MUS81: variants seen among roughly 807,000 people sequenced by gnomAD.
The protein encoded by MUS81 is structure-specific endonuclease subunit MUS81.
Under a neutral mutation model 74.2 loss-of-function variants are expected in MUS81, and 69 were observed. That is an observed-to-expected ratio of 0.93 (90% CI 0.77 to 1.14). The LOEUF is 1.14. Among genes scored for constraint, MUS81 ranks in the 50% most tolerant of loss-of-function variants. MUS81 has a pLI of 0.00. For synonymous variants in MUS81, 303 were observed against 300.6 expected, an observed-to-expected ratio of 1.01 and a Z score of -0.08; for missense variants, 711 against 726.5, an observed-to-expected ratio of 0.98 and a Z score of 0.25.
rs552242146 is a variant in MUS81, at chr11:65,863,855, A to G, written c.1013A>G (p.Asp338Gly). Residue 338 changes from aspartate (D) to glycine (G), a missense_variant, in exon 10 of 16, where the codon GAT (aspartate) becomes GGT (glycine). Transcript: ENST00000308110. Reference protein sequence around the residue: ...LDHIVERKRLDDLCSSIIDGR... With the variant: ...LDHIVERKRLGDLCSSIIDGR... The stretch of plus-strand genomic sequence containing the variant: ...CACATTGTGGAGCGCAAGCGACTGG[A>G]TGACCTTTGCAGCAGCATCATCGAC... The G allele has an allele frequency of 1.9e-6, 3 of 1,614,132 alleles. No homozygotes were observed. The Admixed American group carries it at 5.0e-5, about 27-fold the overall frequency.
At chr11:65,867,043 G>A (rs765684268), downstream of MUS81, 11 of 1,614,148 alleles carry the variant, frequency 6.8e-6, no homozygotes, top group Admixed American at 5.0e-5. Flanking sequence ...GTCACCGGCC[G>A]GGCGAGGACC....
downstream of MUS81, chr11:65,866,899 G>A: frequency 6.2e-7 from 1 of 1,613,990 alleles, no homozygotes. Context: ...CTGCAGGGAG[G>A]GTGGCTCCCT....
rs770515783 is a variant in MUS81 at position 65,863,466 on chromosome 11, G to A, written c.803G>A (p.Arg268Lys). ...QPLELRPGEY[R>K]VLLCVDIGET... ...CTGGAGCTGAGGCCTGGAGAGTACA[G>A]GGTGCTGTTGTGTGTGGACATTGGC... The change falls in exon 8 of 16, where the codon AGG becomes AAG. Residue 268 changes from arginine to lysine, a missense_variant. Transcript: ENST00000308110. 2 of 1,614,202 alleles carry A rather than the reference G, an allele frequency of 1.2e-6. No homozygotes were observed. The highest frequency in any genetic ancestry group is 3.3e-5 in the Admixed American group (2 of 60,028).
chr11:65,860,394 C>T (rs147461140), upstream of MUS81: 8,010 of 494,776 alleles, frequency 0.016, 150 homozygotes, highest in Non-Finnish European at 0.021. Context: ...GTCCGCCTTC[C>T]TCTCGCCTAC....
At chr11:65,865,656 A>G in intron 14 of MUS81, 155 bp from the exon 15 acceptor site, 1 of 780,398 alleles carries the variant, frequency 1.3e-6, no homozygotes, top group East Asian at 2.6e-5. Context: ...GAGGGAGGAC[A>G]GCCCGGCTGG....
Position 65,863,820 on chromosome 11 carries a change from G to A in MUS81, c.978G>A (p.Leu326=). ...TGTCAGCAGCAAACCCTGGGGAGTT[G>A]GTACTGGATCACATTGTGGAGCGCA... ...NPRDPANPGE[L]VLDHIVERKR... is the part of the protein sequence containing the mutation. Residue 326 remains leucine (L), a synonymous_variant, in exon 10 of 16, where the codon TTG becomes TTA. Coordinates refer to ENST00000308110, the MANE Select transcript of MUS81 (RefSeq NM_025128.5). 1 of 1,614,168 alleles carries A rather than the reference G, an allele frequency of 6.2e-7. No homozygotes were observed. Among genetic ancestry groups the A allele is most frequent in the Non-Finnish European group, 8.5e-7 (1 of 1,180,010 alleles).
chr11:65,864,643 A>G (rs2134737014), intron 11 of MUS81, 30 bp downstream of exon 11: 1 of 1,612,642 alleles, frequency 6.2e-7, no homozygotes, highest in East Asian at 2.2e-5. Context: ...CCAGGCAGGC[A>G]GGCAGGGGCC....
At position 65,861,421 on chromosome 11, in the gene MUS81, G is replaced by A. The variant is rs748054705; in HGVS notation, c.337G>A (p.Asp113Asn). 1 of 1,602,554 alleles carries A rather than the reference G, an allele frequency of 6.2e-7. No homozygotes were observed. Residue 113 changes from aspartate (D) to asparagine (N), a missense_variant, in exon 3 of 16, where the codon GAC (aspartate) becomes AAC (asparagine). Physicochemically the swap from Asp to Asn is conservative, Grantham distance 23. Transcript: ENST00000308110. ...APQGRLAEVQ[D>N]SSMPVPAQPK... ...GCAGGGGCGACTTGCGGAAGTCCAG[G>A]ACTCTTCCATGCCAGTGAGGAAGGG...
chr11:65,861,093 A>C lies in MUS81; in HGVS notation c.256A>C (p.Thr86Pro). Residue 86 changes from threonine (T) to proline (P), a missense_variant, in exon 2 of 16, where the codon ACA becomes CCA. Coordinates refer to ENST00000308110, the MANE Select transcript of MUS81 (RefSeq NM_025128.5). Reference protein sequence around the residue: ...MLDERLQRHRTSGGDHAPDSP... With the variant: ...MLDERLQRHRPSGGDHAPDSP... ...GGACGAGCGGCTGCAGCGGCACCGA[A>C]CATCGGGCGGTGAGCGCCTCGGAAA... is the stretch of plus-strand genomic sequence containing the variant. 6.2e-7 allele frequency: 1 copy of C among 1,612,500 alleles called. No individual in the cohort carries two copies. Among genetic ancestry groups the C allele is most frequent in the Non-Finnish European group, 8.5e-7 (1 of 1,179,940 alleles).
At chr11:65,863,332 G>T in intron 7 of MUS81, 78 bp from the exon 8 acceptor site, 2 of 1,593,516 alleles carry the variant, frequency 1.3e-6, no homozygotes, top group Non-Finnish European at 1.7e-6. Context: ...TGGGTGGTGG[G>T]TGTCGGGTGG....
chr11:65,865,493 C>T (rs1355033743), intron 14 of MUS81, 170 bp downstream of exon 14: 2 of 709,844 alleles, frequency 2.8e-6, no homozygotes, highest in African/African-American at 1.8e-5. Context: ...GCCAGCAGGC[C>T]CACATAGTGT....
rs746885286 is a variant in MUS81, at chr11:65,863,465, A to G, written c.802A>G (p.Arg268Gly). Reference sequence around the variant, plus strand: ...ACTGGAGCTGAGGCCTGGAGAGTACAGGGTGCTGTTGTGTGTGGACATTGG... The same window carrying G: ...ACTGGAGCTGAGGCCTGGAGAGTACGGGGTGCTGTTGTGTGTGGACATTGG... ...QPLELRPGEY[R>G]VLLCVDIGET... The change falls in exon 8 of 16, where the codon AGG becomes GGG. Residue 268 changes from arginine to glycine, a missense_variant. By Grantham distance (125) the Arg-to-Gly change is moderately radical (BLOSUM62 -2). Coordinates refer to ENST00000308110, the MANE Select transcript of MUS81 (RefSeq NM_025128.5). The G allele has an allele frequency of 1.2e-6, 2 of 1,614,098 alleles. No homozygotes were observed. Among genetic ancestry groups the G allele is most frequent in the Non-Finnish European group, 1.7e-6 (2 of 1,179,998 alleles).
chr11:65,866,115 T>TAA lies in MUS81; in HGVS notation c.*64_*65dup. On this transcript the variant is annotated 3_prime_UTR_variant, in exon 16 of 16. Coordinates refer to ENST00000308110, the MANE Select transcript of MUS81 (RefSeq NM_025128.5). Reference sequence around the variant, plus strand: ...CCCCAACCCAGGCTAGCCAGCCTTTTAACAACATCTTTTGGGGTACAATTA... The same window carrying TAA: ...CCCCAACCCAGGCTAGCCAGCCTTTTAAAACAACATCTTTTGGGGTACAATTA... 2 of 1,473,558 alleles carry TAA rather than the reference T, an allele frequency of 1.4e-6. No homozygotes were observed. Among genetic ancestry groups the TAA allele is most frequent in the Non-Finnish European group, 1.9e-6 (2 of 1,073,392 alleles). The allele number at this position is 1,473,558 out of a possible 1,614,324, so 91.3% of individuals were successfully genotyped here.
In MUS81 at chr11:65,863,439, C is replaced by T. The variant is rs1456761447; in HGVS notation, c.776C>T (p.Pro259Leu). The change falls in exon 8 of 16, where the codon CCA becomes CTA. Residue 259 changes from proline to leucine, a missense_variant. Physicochemically the swap from Pro to Leu is moderately conservative, Grantham distance 98 (BLOSUM62 -3). Transcript: ENST00000308110. ...LASEAGVQQQ[P>L]LELRPGEYRV... ...AGTGAAGCAGGGGTCCAGCAGCAGCCACTGGAGCTGAGGCCTGGAGAGTAC... is the reference window on the plus strand; with the variant it reads ...AGTGAAGCAGGGGTCCAGCAGCAGCTACTGGAGCTGAGGCCTGGAGAGTAC... 1 of 1,614,134 alleles carries T rather than the reference C, an allele frequency of 6.2e-7. No homozygotes were observed. The highest frequency in any genetic ancestry group is 2.2e-5 in the East Asian group (1 of 44,890).
downstream of MUS81, chr11:65,867,251 AC>A: frequency 1.4e-6 from 1 of 704,566 alleles, no homozygotes; most frequent in South Asian, 1.8e-5. Context: ...TCTCCTCCCC[AC>A]CCAGGCTCCT....
chr11:65,860,975 G>A lies in MUS81; in HGVS notation c.138G>A (p.Ala46=), dbSNP rs749927132. The change falls in exon 2 of 16, where the codon GCG becomes GCA. Residue 46 remains alanine, a splice_region_variant and synonymous_variant. Coordinates refer to ENST00000308110, the MANE Select transcript of MUS81 (RefSeq NM_025128.5). The part of the protein sequence containing the change: ...RRRTRFVFQK[A]LRSLRRYPLP... ...GTACCCTACCCCTGCCCGGCCAGGCGCTGCGTTCCCTCCGACGGTACCCAC... is the reference window on the plus strand; with the variant it reads ...GTACCCTACCCCTGCCCGGCCAGGCACTGCGTTCCCTCCGACGGTACCCAC... The A allele has an allele frequency of 1.3e-5, 21 of 1,611,702 alleles. 1 individual carries two copies. The South Asian group carries it at 2.3e-4, about 18-fold the overall frequency.
chr11:65,867,144 G>A, downstream of MUS81: 2 of 1,600,094 alleles, frequency 1.2e-6, no homozygotes, highest in Non-Finnish European at 1.7e-6. Context: ...CCCTGCCCCA[G>A]CGTCACCTCC....
chr11:65,859,859 C>T (rs1052102107), upstream of MUS81, among the ~76,000 whole-genome samples: 1 of 152,192 alleles, frequency 6.6e-6, no homozygotes, highest in Non-Finnish European at 1.5e-5. Flanking sequence ...ACAAAAATGA[C>T]GAAGTGTTCT....
chr11:65,861,373 T>C lies in MUS81; in HGVS notation c.289T>C (p.Ser97Pro). Residue 97 changes from serine (S) to proline (P), a missense_variant, in exon 3 of 16, where the codon TCT becomes CCT. Coordinates refer to ENST00000308110, the MANE Select transcript of MUS81 (RefSeq NM_025128.5). ...AGGTGACCATGCCCCGGACTCACCA[T>C]CTGGAGAGAACAGTCCAGCCCCGCA... is the stretch of plus-strand genomic sequence containing the variant. ...SGGDHAPDSPSGENSPAPQGR... is the reference protein window; with the variant it reads ...SGGDHAPDSPPGENSPAPQGR... The C allele has an allele frequency of 6.2e-7, 1 of 1,602,120 alleles. No individual in the cohort carries two copies. Among genetic ancestry groups the C allele is most frequent in the Non-Finnish European group, 8.5e-7 (1 of 1,173,204 alleles).
Sources: gnomAD v4.1 joint callset for allele counts (sites outside exome capture counted in the v4.1 genomes callset) on GRCh38, gnomAD v4.1.1 for gene constraint, MANE v1.5 for transcripts, NCBI Gene and HGNC (gene_info 2026-07-23, HGNC 2026-07-21) for gene names.